Variants in MARCHF1 observed in about 807,000 individuals in gnomAD.
The protein encoded by MARCHF1 is E3 ubiquitin-protein ligase MARCHF1.
MARCHF1 carries 40 observed loss-of-function variants against 54.2 expected under a neutral mutation model. That is an observed-to-expected ratio of 0.74 (90% CI 0.57 to 0.96). The LOEUF (loss-of-function observed/expected upper bound fraction) is 0.96. Ranked by LOEUF, MARCHF1 falls within the 40% of genes least tolerant of loss-of-function variation. The probability of loss-of-function intolerance (pLI) is 0.00; values close to 1 mark genes in which losing one functional copy is unlikely to be tolerated. For missense variants in MARCHF1, 586 were observed against 656.5 expected (o/e 0.89, Z 1.17); for synonymous variants, 236 against 236.3 (o/e 1.00, Z 0.01).
chr4:163,642,297 A>G (rs1215324740), intron 5 of MARCHF1, among the ~76,000 whole-genome samples: 1 of 152,098 alleles, frequency 6.6e-6, no homozygotes, highest in South Asian at 2.1e-4. Context: ...TTTTCTTTTA[A>G]TAAAGATAAT....
Position 163,525,997 on chromosome 4 carries a change from C to T in MARCHF1, c.*2751G>A, listed in dbSNP as rs968564306. ...AAAAGCTTCTTAAAAGCTTGAAATTCAGAACTTCAGGGTTTCAAAAAGTCA... is the reference window on the plus strand; with the variant it reads ...AAAAGCTTCTTAAAAGCTTGAAATTTAGAACTTCAGGGTTTCAAAAAGTCA... On this transcript the variant is annotated 3_prime_UTR_variant, in exon 10 of 10. Transcript: ENST00000514618. The T allele has an allele frequency of 3.9e-5, 6 of 152,038 alleles. No individual in the cohort carries two copies. Among genetic ancestry groups the T allele is most frequent in the Non-Finnish European group, 8.8e-5 (6 of 67,964 alleles). 9.4% of individuals were successfully genotyped at this position (152,038 alleles called of 1,614,324 possible). A position where few individuals can be genotyped will look rare whatever the true frequency, so the allele number is the denominator to read the frequency against.
At chr4:164,250,144 C>G (rs1196560678) in intron 1 of MARCHF1, among the ~76,000 whole-genome samples, 1 of 152,052 alleles carries the variant, frequency 6.6e-6, no homozygotes, top group Non-Finnish European at 1.5e-5. Context: ...ACATGTAGCA[C>G]TGATTGGAGC....
intron 4 of MARCHF1, among the ~76,000 whole-genome samples, chr4:163,780,098 A>G (rs886766989): frequency 2.6e-5 from 4 of 152,212 alleles, no homozygotes; most frequent in African/African-American, 9.7e-5. Flanking sequence ...GAACAGTCAA[A>G]AGTTTACAGA....
intron 4 of MARCHF1, among the ~76,000 whole-genome samples, chr4:163,806,369 C>A (rs1294610101): frequency 6.6e-6 from 1 of 152,148 alleles, no homozygotes; most frequent in East Asian, 1.9e-4. Flanking sequence ...GAAGGAAAGT[C>A]TCATCTGAAA....
chr4:163,575,877 A>G (rs1740020093), intron 8 of MARCHF1, among the ~76,000 whole-genome samples: 1 of 151,818 alleles, frequency 6.6e-6, no homozygotes, highest in Admixed American at 6.6e-5. Context: ...TATTTCTGGG[A>G]GATCGGTTGT....
At chr4:163,638,792 C>T (rs923203137) in intron 5 of MARCHF1, among the ~76,000 whole-genome samples, 1 of 152,048 alleles carries the variant, frequency 6.6e-6, no homozygotes, top group Non-Finnish European at 1.5e-5. Context: ...AATGGATAAA[C>T]AAAATAAGGT....
intron 4 of MARCHF1, among the ~76,000 whole-genome samples, chr4:163,756,020 G>A (rs553569951): frequency 2.0e-5 from 3 of 152,242 alleles, no homozygotes; most frequent in African/African-American, 4.8e-5. Flanking sequence ...ATTTGACCTT[G>A]CCCTGTGTAT....
At chr4:164,295,388 A>G (rs1373983007) in intron 1 of MARCHF1, among the ~76,000 whole-genome samples, 1 of 151,896 alleles carries the variant, frequency 6.6e-6, no homozygotes, top group African/African-American at 2.4e-5. Context: ...TTCTTACACT[A>G]AAGTGATACA....
intron 4 of MARCHF1, among the ~76,000 whole-genome samples, chr4:163,802,048 T>A (rs1457062373): frequency 6.6e-6 from 1 of 152,144 alleles, no homozygotes; most frequent in East Asian, 1.9e-4. Context: ...TTCAGGAAAC[T>A]GTTGAAGCAT....
intron 1 of MARCHF1, among the ~76,000 whole-genome samples, chr4:164,144,156 C>T (rs1298781711): frequency 6.6e-6 from 1 of 150,964 alleles, no homozygotes; most frequent in Non-Finnish European, 1.5e-5. Context: ...TACAGGAGCA[C>T]CCAGATTCAT....
At chr4:164,184,271 A>G (rs1730908587) in intron 1 of MARCHF1, among the ~76,000 whole-genome samples, 2 of 152,296 alleles carry the variant, frequency 1.3e-5, no homozygotes, top group Admixed American at 1.3e-4. Context: ...CCCATTGATT[A>G]TAGGTACAAA....
At position 163,524,950 on chromosome 4, in the gene MARCHF1, G is replaced by A. The variant is rs1190651562; in HGVS notation, c.*3798C>T. The A allele has an allele frequency of 6.6e-6, 1 of 152,122 alleles. No homozygotes were observed. The highest frequency in any genetic ancestry group is 1.5e-5 in the Non-Finnish European group (1 of 68,028). The allele number at this position is 152,122 out of a possible 1,614,324, so 9.4% of individuals were successfully genotyped here. ...GTTTCAAAATGGGCTTTCTTTAGAT[G>A]TGGAGGAAACACTGCAGCCCAAAAT... On this transcript the variant is annotated 3_prime_UTR_variant, in exon 10 of 10. Coordinates refer to ENST00000514618, the MANE Select transcript of MARCHF1 (RefSeq NM_001394959.1).
At chr4:163,532,069 A>C (rs920124401) in intron 9 of MARCHF1, among the ~76,000 whole-genome samples, 1 of 151,890 alleles carries the variant, frequency 6.6e-6, no homozygotes. Context: ...AATTCCAGCA[A>C]GTTATTTTAT....
intron 1 of MARCHF1, among the ~76,000 whole-genome samples, chr4:164,222,346 T>C (rs1732139399): frequency 1.3e-5 from 2 of 151,950 alleles, no homozygotes; most frequent in Non-Finnish European, 2.9e-5. Context: ...AATTAATTTA[T>C]GGGAAATATT....
At chr4:164,147,977 G>T (rs1729810285) in intron 1 of MARCHF1, among the ~76,000 whole-genome samples, 2 of 151,808 alleles carry the variant, frequency 1.3e-5, no homozygotes, top group Admixed American at 6.6e-5. Flanking sequence ...ATTCAAATTT[G>T]CTGAAAATTT....
chr4:163,823,404 C>T (rs1427181926), intron 4 of MARCHF1, among the ~76,000 whole-genome samples: 1 of 151,758 alleles, frequency 6.6e-6, no homozygotes, highest in Admixed American at 6.6e-5. Context: ...CAAATCAAAC[C>T]TAATAAACTG....
At chr4:164,101,292 G>C (rs1486099365) in intron 2 of MARCHF1, among the ~76,000 whole-genome samples, 2 of 151,434 alleles carry the variant, frequency 1.3e-5, no homozygotes, top group Non-Finnish European at 2.9e-5. Context: ...GCCTCTGTAG[G>C]CTCCACCTCT....
intron 2 of MARCHF1, among the ~76,000 whole-genome samples, chr4:164,096,396 T>C (rs915353628): frequency 2.0e-5 from 3 of 151,856 alleles, no homozygotes; most frequent in Non-Finnish European, 4.4e-5. Flanking sequence ...TTGGGAACAA[T>C]AGACACTGGA....
chr4:164,307,702 T>G (rs1463316421), intron 1 of MARCHF1, among the ~76,000 whole-genome samples: 1 of 152,222 alleles, frequency 6.6e-6, no homozygotes, highest in Non-Finnish European at 1.5e-5. Flanking sequence ...GGCCAAATGC[T>G]AAAGATACAG....
Sources: allele counts gnomAD v4.1 joint callset (sites outside exome capture counted in the v4.1 genomes callset), GRCh38; gene constraint gnomAD v4.1.1; transcripts MANE v1.5; gene names NCBI Gene and HGNC (gene_info 2026-07-23, HGNC 2026-07-21).